PCSK5: variants seen among roughly 807,000 people sequenced by gnomAD.
PCSK5 encodes the protein prohormone convertase 5.
A neutral mutation model predicts 233.2 loss-of-function variants in PCSK5; 129 were observed. The ratio of observed to expected loss-of-function variants is 0.55; its 90% CI spans 0.48 to 0.64. The LOEUF is 0.64. Among genes scored for constraint, PCSK5 ranks in the 30% least tolerant of loss-of-function variants. PCSK5 has a pLI of 0.00. For missense variants in PCSK5, 2,076 were observed against 2,430.1 expected (o/e 0.85, Z 3.06); for synonymous variants, 825 against 879.2 (o/e 0.94, Z 1.09).
At chr9:76,138,967 T>C (rs1365159607) in intron 10 of PCSK5, among the ~76,000 whole-genome samples, 1 of 129,614 alleles carries the variant, frequency 7.7e-6, no homozygotes, top group East Asian at 2.9e-4. Flanking sequence ...ACTAAACTAC[T>C]AGATTTTTTT....
intron 20 of PCSK5, among the ~76,000 whole-genome samples, chr9:76,220,055 T>C (rs772500402): frequency 1.7e-4 from 26 of 152,148 alleles, no homozygotes; most frequent in Non-Finnish European, 2.9e-4. Context: ...GTAGAAATTC[T>C]AGGCTCACAG....
chr9:76,086,753 C>T (rs1262447361), intron 7 of PCSK5, among the ~76,000 whole-genome samples: 1 of 152,166 alleles, frequency 6.6e-6, no homozygotes, highest in Non-Finnish European at 1.5e-5. Flanking sequence ...TGGGTGCATT[C>T]TGGTCCCAGC....
Position 76,193,388 on chromosome 9 carries a change from A to ATAGAT in PCSK5, c.2626+3645_2626+3649dup, listed in dbSNP as rs750590178. ...TAGATTTCTTTGTTCCTGTAGACTTATAGATTATTCCATATTATTAAAAAG... is the reference window on the plus strand; with the variant it reads ...TAGATTTCTTTGTTCCTGTAGACTTATAGATTAGATTATTCCATATTATTAAAAAG... On this transcript the variant is annotated intron_variant, in intron 20 of 37. Transcript: ENST00000674117. The ATAGAT allele has an allele frequency of 5.4e-6, 8 of 1,482,498 alleles. No homozygotes were observed. In the East Asian group the frequency reaches 1.2e-4, roughly 22 times the overall value. 91.8% of individuals were successfully genotyped at this position (1,482,498 alleles called of 1,614,324 possible). A position where few individuals can be genotyped will look rare whatever the true frequency, so the allele number is the denominator to read the frequency against.
chr9:76,154,767 G>T (rs1270362962), intron 10 of PCSK5, among the ~76,000 whole-genome samples: 1 of 152,106 alleles, frequency 6.6e-6, no homozygotes, highest in East Asian at 1.9e-4. Context: ...AACTGTCCAT[G>T]ATGACCTGGT....
chr9:76,142,827 TTTCTC>T (rs778481266), intron 10 of PCSK5, among the ~76,000 whole-genome samples: 14 of 152,320 alleles, frequency 9.2e-5, no homozygotes, highest in Non-Finnish European at 1.5e-4. Flanking sequence ...TGACACTTCT[TTTCTC>T]TTCTTTGTAG....
chr9:76,251,559 G>A (rs559341453), intron 24 of PCSK5, among the ~76,000 whole-genome samples: 2 of 116,492 alleles, frequency 1.7e-5, no homozygotes, highest in African/African-American at 6.3e-5. Context: ...GCGAGACTCC[G>A]TCTCAAAAAA....
At chr9:76,133,227 C>A (rs2131744381) in intron 9 of PCSK5, among the ~76,000 whole-genome samples, 1 of 152,160 alleles carries the variant, frequency 6.6e-6, no homozygotes, top group Middle Eastern at 3.4e-3. Context: ...AGTAAAAGAT[C>A]AGCACAACTC....
chr9:76,220,025 C>T (rs1159156846), intron 20 of PCSK5, among the ~76,000 whole-genome samples: 1 of 152,056 alleles, frequency 6.6e-6, no homozygotes, highest in African/African-American at 2.4e-5. Context: ...AATAGAGAGA[C>T]TGAGTGCACT....
At chr9:75,971,950 T>C (rs1825830245) in intron 2 of PCSK5, among the ~76,000 whole-genome samples, 1 of 152,222 alleles carries the variant, frequency 6.6e-6, no homozygotes, top group Admixed American at 6.5e-5. Flanking sequence ...TTGTCAATTT[T>C]TGCTTTTGTT....
At chr9:76,004,311 A>G (rs1827387247) in intron 3 of PCSK5, among the ~76,000 whole-genome samples, 1 of 152,048 alleles carries the variant, frequency 6.6e-6, no homozygotes, top group South Asian at 2.1e-4. Flanking sequence ...AAATCTACCT[A>G]GGGTAAGACT....
At chr9:76,094,711 G>A (rs928529766) in intron 7 of PCSK5, among the ~76,000 whole-genome samples, 33 of 152,128 alleles carry the variant, frequency 2.2e-4, no homozygotes, top group Admixed American at 3.9e-4. Flanking sequence ...TCAGGTTCAA[G>A]CGATTCTCGT....
chr9:76,157,010 C>T, intron 10 of PCSK5, 35 bp from the exon 11 acceptor site: 1 of 1,443,460 alleles, frequency 6.9e-7, no homozygotes, highest in Non-Finnish European at 9.8e-7. Flanking sequence ...ACCTATGTAG[C>T]TTAGTGAAGC....
At chr9:75,924,312 G>T (rs116558966) in intron 1 of PCSK5, among the ~76,000 whole-genome samples, 2,432 of 152,222 alleles carry the variant, frequency 0.016, 65 homozygotes, top group African/African-American at 0.053. Flanking sequence ...AGGAATTTAG[G>T]AAGGAATCAA....
At chr9:76,234,818 T>C (rs1826199267) in intron 22 of PCSK5, among the ~76,000 whole-genome samples, 1 of 152,248 alleles carries the variant, frequency 6.6e-6, no homozygotes, top group Non-Finnish European at 1.5e-5. Context: ...ACTGTTATTG[T>C]TTGTAGCTGC....
chr9:76,351,249 T>A (rs1830113978), intron 36 of PCSK5, among the ~76,000 whole-genome samples: 2 of 151,948 alleles, frequency 1.3e-5, no homozygotes, highest in Admixed American at 6.6e-5. Context: ...TATGTCAGAA[T>A]ACAAACTACC....
At chr9:75,904,080 T>G (rs1826166870) in intron 1 of PCSK5, among the ~76,000 whole-genome samples, 1 of 152,154 alleles carries the variant, frequency 6.6e-6, no homozygotes, top group African/African-American at 2.4e-5. Flanking sequence ...AATTTGGTGC[T>G]CACGGACCAA....
At chr9:76,227,665 G>T in intron 21 of PCSK5, 60 bp downstream of exon 21, 1 of 1,087,220 alleles carries the variant, frequency 9.2e-7, no homozygotes, top group South Asian at 1.3e-5. Flanking sequence ...GGTGGAGAGA[G>T]GAGGTGCTCA....
chr9:76,163,230 C>A lies in PCSK5; in HGVS notation c.1619+4059C>A, dbSNP rs182315571. 3.4e-4 allele frequency among the ~76,000 whole-genome samples: 52 copies of A among 152,322 alleles called. No individual in the cohort carries two copies. The East Asian group carries it at 8.9e-3, about 26-fold the overall frequency. ...GTTTATCTCCTCACCACAGGAATTC[C>A]TTGAAAGTCTGTTTTCTGAGAAGTG... On this transcript the variant is annotated intron_variant, in intron 12 of 37. Coordinates refer to ENST00000674117, the MANE Select transcript of PCSK5 (RefSeq NM_001372043.1).
intron 14 of PCSK5, 86 bp downstream of exon 14, chr9:76,175,215 TG>T (rs777761436): frequency 3.6e-5 from 19 of 529,150 alleles, no homozygotes; most frequent in African/African-American, 2.9e-4. Flanking sequence ...TGGAATGGAA[TG>T]GAATGAAATG....
Sources: gnomAD v4.1 joint callset for allele counts (sites outside exome capture counted in the v4.1 genomes callset) on GRCh38, gnomAD v4.1.1 for gene constraint, MANE v1.5 for transcripts, NCBI Gene and HGNC (gene_info 2026-07-23, HGNC 2026-07-21) for gene names.